NFKB1: variants seen among roughly 807,000 people sequenced by gnomAD.
The protein encoded by NFKB1 is nuclear factor NF-kappa-B p105 subunit.
NFKB1 carries 9 observed loss-of-function variants against 105.1 expected under a neutral mutation model. The ratio of observed to expected loss-of-function variants is 0.09; its 90% CI spans 0.05 to 0.15. The LOEUF (loss-of-function observed/expected upper bound fraction) is 0.15. NFKB1 is among the 10% of genes least tolerant of loss of function. The pLI is 1.00. For missense variants in NFKB1, 830 were observed against 1,203.7 expected (o/e 0.69, Z 4.59); for synonymous variants, 440 against 442.2 (o/e 1.00, Z 0.06).
At chr4:102,609,611 CAAA>C (rs34646774) in intron 19 of NFKB1, among the ~76,000 whole-genome samples, 6 of 64,262 alleles carry the variant, frequency 9.3e-5, no homozygotes, top group African/African-American at 1.2e-4. Flanking sequence ...GACTCCATCT[CAAA>C]AAAAAAAAAA....
At chr4:102,606,393 C>A in intron 16 of NFKB1, 103 bp from the exon 17 acceptor site, 2 of 1,063,214 alleles carry the variant, frequency 1.9e-6, no homozygotes, top group Non-Finnish European at 2.9e-6. Context: ...GAGAAATATT[C>A]CTGCAGTATG....
chr4:102,546,587 T>A (rs1235265885), intron 5 of NFKB1, among the ~76,000 whole-genome samples: 1 of 152,088 alleles, frequency 6.6e-6, no homozygotes, highest in African/African-American at 2.4e-5. Context: ...AAGAAAACTT[T>A]GGGAAAACAC....
At chr4:102,563,688 C>A (rs976629905) in intron 5 of NFKB1, among the ~76,000 whole-genome samples, 1 of 152,152 alleles carries the variant, frequency 6.6e-6, no homozygotes, top group African/African-American at 2.4e-5. Context: ...AGTCACACAA[C>A]CAGGAAATGG....
At position 102,564,509 on chromosome 4, in the gene NFKB1, G is replaced by A. The variant is rs556852319; in HGVS notation, c.259-2478G>A. Among the ~76,000 whole-genome samples, 48 of 152,308 alleles carry A rather than the reference G, an allele frequency of 3.2e-4. No homozygotes were observed. The South Asian group carries it at 9.3e-3, about 30-fold the overall frequency. The stretch of plus-strand genomic sequence containing the variant: ...GGTCTCTGTGAAAACCAGATGATGC[G>A]ATGCTGACTTGGACTCTTTCAAATG... On this transcript the variant is annotated intron_variant, in intron 5 of 23. Coordinates refer to ENST00000226574, the MANE Select transcript of NFKB1 (RefSeq NM_003998.4).
At chr4:102,572,833 G>A (rs1465917781) in intron 6 of NFKB1, among the ~76,000 whole-genome samples, 1 of 152,120 alleles carries the variant, frequency 6.6e-6, no homozygotes, top group Non-Finnish European at 1.5e-5. Context: ...TTTATCATTT[G>A]CAGTGCTGTT....
At chr4:102,568,287 GA>G (rs1024607591) in intron 6 of NFKB1, among the ~76,000 whole-genome samples, 9 of 145,940 alleles carry the variant, frequency 6.2e-5, no homozygotes, top group South Asian at 2.2e-4. Context: ...TTTGATGTTA[GA>G]AAAAAAAAAG....
intron 1 of NFKB1, among the ~76,000 whole-genome samples, chr4:102,512,263 TCAGA>T (rs1415109913): frequency 1.3e-5 from 2 of 152,224 alleles, no homozygotes; most frequent in Non-Finnish European, 2.9e-5. Flanking sequence ...TCTGATGTTA[TCAGA>T]CATAGAAGAG....
intron 5 of NFKB1, among the ~76,000 whole-genome samples, chr4:102,550,451 C>G (rs1487719441): frequency 6.6e-6 from 1 of 152,126 alleles, no homozygotes. Context: ...ATTCATAATT[C>G]TAATTCCAAT....
chr4:102,587,682 C>G (rs973119751), intron 11 of NFKB1, among the ~76,000 whole-genome samples: 4 of 152,002 alleles, frequency 2.6e-5, no homozygotes, highest in African/African-American at 9.7e-5. Flanking sequence ...TCATACAATA[C>G]AAAGTTTAAG....
intron 17 of NFKB1, 72 bp downstream of exon 17, chr4:102,606,769 G>T (rs1178892011): frequency 1.4e-6 from 2 of 1,474,246 alleles, no homozygotes; most frequent in Non-Finnish European, 1.9e-6. Context: ...TTTGATAAAC[G>T]TGTGTTATTT....
In NFKB1 at chr4:102,572,209, TC is replaced by T. The variant is rs572835384; in HGVS notation, c.408-4666del. ...GGGACGTGGGTGAAGCTGGAAACCA[TC>T]ATTCTGAGCAAACTATCGCAAGGAC... On this transcript the variant is annotated intron_variant, in intron 6 of 23. Coordinates refer to ENST00000226574, the MANE Select transcript of NFKB1 (RefSeq NM_003998.4). Among the ~76,000 whole-genome samples the T allele has an allele frequency of 7.9e-5, 12 of 151,996 alleles. 1 individual carries two copies. In the South Asian group the frequency reaches 2.5e-3, roughly 32 times the overall value.
rs773709145 is a variant in NFKB1, at chr4:102,616,422, T to G, written c.2750-12T>G. ...GCCATTCCCCCAGTGAATTTGTGCT[T>G]TCTCCCCTCAGACGAGCTCCGAGAC... On this transcript the variant is annotated splice_polypyrimidine_tract_variant and intron_variant, in intron 23 of 23. Transcript: ENST00000226574. 1 of 1,613,078 alleles carries G rather than the reference T, an allele frequency of 6.2e-7. No homozygotes were observed. The highest frequency in any genetic ancestry group is 1.1e-5 in the South Asian group (1 of 91,014).
In NFKB1 at chr4:102,519,337, A is replaced by C. The variant is rs1259088295; in HGVS notation, c.-7-6175A>C. Among the ~76,000 whole-genome samples, 4 of 147,742 alleles carry C rather than the reference A, an allele frequency of 2.7e-5. No individual in the cohort carries two copies. The East Asian group carries it at 7.8e-4, about 29-fold the overall frequency. ...TATTTATATGTTATATATAAAGTAT[A>C]TATATAAAATATATAGTTTTAATAT... On this transcript the variant is annotated intron_variant, in intron 1 of 23. Transcript: ENST00000226574.
At chr4:102,578,636 C>T (rs182141394) in intron 7 of NFKB1, 19 of 507,990 alleles carry the variant, frequency 3.7e-5, no homozygotes, top group East Asian at 2.7e-4. Context: ...AGGAGGGAGG[C>T]GATCTGATAC....
At chr4:102,585,446 T>A (rs1725634368) in intron 11 of NFKB1, among the ~76,000 whole-genome samples, 1 of 152,168 alleles carries the variant, frequency 6.6e-6, no homozygotes, top group South Asian at 2.1e-4. Flanking sequence ...AACTCAGAGT[T>A]CAAGCAGCTG....
chr4:102,565,000 A>G (rs1486936409), intron 5 of NFKB1, among the ~76,000 whole-genome samples: 1 of 152,212 alleles, frequency 6.6e-6, no homozygotes. Flanking sequence ...GGCATCAGCA[A>G]TCTATAGAGA....
intron 14 of NFKB1, among the ~76,000 whole-genome samples, chr4:102,596,633 T>C (rs1726640109): frequency 6.6e-6 from 1 of 152,160 alleles, no homozygotes; most frequent in Non-Finnish European, 1.5e-5. Context: ...CACAGATAAA[T>C]AGAGAAGTAT....
At chr4:102,534,629 T>C (rs966384813) in intron 4 of NFKB1, among the ~76,000 whole-genome samples, 1 of 152,174 alleles carries the variant, frequency 6.6e-6, no homozygotes, top group Non-Finnish European at 1.5e-5. Flanking sequence ...TTTCAGTTAT[T>C]AGGGAATGGA....
intron 5 of NFKB1, among the ~76,000 whole-genome samples, chr4:102,542,372 T>TA (rs1205340309): frequency 3.7e-4 from 57 of 152,206 alleles, no homozygotes; most frequent in African/African-American, 5.8e-4. Context: ...GCTCTTTTTT[T>TA]AAAAAAAATT....
Sources: gnomAD v4.1 joint callset for allele counts (sites outside exome capture counted in the v4.1 genomes callset) on GRCh38, gnomAD v4.1.1 for gene constraint, MANE v1.5 for transcripts, NCBI Gene and HGNC (gene_info 2026-07-23, HGNC 2026-07-21) for gene names.